CPS1: variants seen among roughly 807,000 people sequenced by gnomAD.
The protein encoded by CPS1 is carbamoyl-phosphate synthase 1, also known as carbamoyl-phosphate synthase [ammonia], mitochondrial.
CPS1 carries 109 observed loss-of-function variants against 174.6 expected under a neutral mutation model. The ratio of observed to expected loss-of-function variants is 0.62; its 90% CI spans 0.53 to 0.73. The LOEUF is 0.73. CPS1 is among the 30% of genes least tolerant of loss of function. CPS1 has a pLI of 0.00. For missense variants in CPS1, 1,689 were observed against 1,821.9 expected (o/e 0.93, Z 1.33); for synonymous variants, 637 against 632.0 (o/e 1.01, Z -0.12).
Position 210,591,696 on chromosome 2 carries a change from CAG to C in CPS1, c.948-132_948-131del, listed in dbSNP as rs528338704. The C allele has an allele frequency of 2.2e-5, 20 of 899,250 alleles. No individual in the cohort carries two copies. In the South Asian group the frequency reaches 3.0e-4, roughly 14 times the overall value. The allele number at this position is 899,250 out of a possible 1,614,324, so 55.7% of individuals were successfully genotyped here. On this transcript the variant is annotated intron_variant, in intron 9 of 37. Coordinates refer to ENST00000233072, the MANE Select transcript of CPS1 (RefSeq NM_001875.5). ...GATTAACAATCTGTGACTTTTCTCA[CAG>C]AGTGATTTTCACTAAGCAATTGAAA...
chr2:210,674,777 T>C, intron 34 of CPS1, 125 bp from the exon 35 acceptor site: 1 of 820,290 alleles, frequency 1.2e-6, no homozygotes, highest in South Asian at 1.4e-5. Context: ...AAACTTGTCA[T>C]TTTTTAATAT....
intron 1 of CPS1, among the ~76,000 whole-genome samples, chr2:210,541,914 A>G (rs1255013755): frequency 6.6e-6 from 1 of 152,050 alleles, no homozygotes; most frequent in Non-Finnish European, 1.5e-5. Context: ...TCCCATTCCT[A>G]TGCCACCCGT....
intron 1 of CPS1, among the ~76,000 whole-genome samples, chr2:210,560,133 C>G (rs1174419074): frequency 1.3e-5 from 2 of 151,866 alleles, no homozygotes; most frequent in Non-Finnish European, 1.5e-5. Flanking sequence ...AAATCAGACT[C>G]AAGGAAAATG....
intron 21 of CPS1, among the ~76,000 whole-genome samples, chr2:210,635,087 G>A (rs1574622765): frequency 6.6e-6 from 1 of 152,192 alleles, no homozygotes; most frequent in East Asian, 1.9e-4. Context: ...GGGATTACAG[G>A]CACCTGCCAC....
chr2:210,633,080 A>G (rs1699919645), intron 21 of CPS1, among the ~76,000 whole-genome samples: 1 of 152,206 alleles, frequency 6.6e-6, no homozygotes, highest in Non-Finnish European at 1.5e-5. Context: ...CTCACCTAGT[A>G]TGATTTAAAG....
At chr2:210,591,685 G>A (rs1406855465) in intron 9 of CPS1, 146 bp from the exon 10 acceptor site, 4 of 827,854 alleles carry the variant, frequency 4.8e-6, no homozygotes, top group Non-Finnish European at 7.5e-6. Context: ...AACAATCTGT[G>A]ACTTTTCTCA....
At chr2:210,556,900 G>A in intron 1 of CPS1, 41 bp downstream of exon 1, 4 of 1,605,712 alleles carry the variant, frequency 2.5e-6, no homozygotes, top group Non-Finnish European at 3.4e-6. Flanking sequence ...ATACTATGGG[G>A]TATAGTTTAG....
intron 21 of CPS1, among the ~76,000 whole-genome samples, chr2:210,636,232 G>C (rs1700038807): frequency 6.6e-6 from 1 of 151,980 alleles, no homozygotes; most frequent in South Asian, 2.1e-4. Flanking sequence ...TTATTCTTCT[G>C]TCCCTTAGCT....
chr2:210,616,338 G>A, intron 20 of CPS1, 85 bp from the exon 21 acceptor site: 1 of 886,760 alleles, frequency 1.1e-6, no homozygotes, highest in South Asian at 1.3e-5. Context: ...ATAACACACA[G>A]AGGCATGACT....
chr2:210,493,775 A>G (rs368327493), intron 1 of CPS1, among the ~76,000 whole-genome samples: 8 of 152,330 alleles, frequency 5.3e-5, no homozygotes, highest in South Asian at 2.1e-4. Flanking sequence ...CTTTCCTGGC[A>G]GTAACGTTTC....
intron 1 of CPS1, among the ~76,000 whole-genome samples, chr2:210,529,455 CA>C (rs1436408277): frequency 1.3e-5 from 2 of 151,840 alleles, no homozygotes; most frequent in Non-Finnish European, 2.9e-5. Context: ...TAGGTTTATG[CA>C]ATTTGGGAAA....
intron 1 of CPS1, among the ~76,000 whole-genome samples, chr2:210,523,181 G>GT (rs986046666): frequency 9.2e-5 from 14 of 152,016 alleles, no homozygotes; most frequent in African/African-American, 3.1e-4. Context: ...AGTTCTTTAT[G>GT]TTTTTTCTGG....
intron 35 of CPS1, among the ~76,000 whole-genome samples, chr2:210,675,334 G>A (rs540783585): frequency 6.6e-6 from 1 of 152,254 alleles, no homozygotes; most frequent in Non-Finnish European, 1.5e-5. Flanking sequence ...CACAAAGCCT[G>A]GTTGAGTAAA....
At chr2:210,595,605 A>G (rs372722187) in intron 13 of CPS1, 23 bp downstream of exon 13, 4 of 1,461,066 alleles carry the variant, frequency 2.7e-6, no homozygotes, top group Non-Finnish European at 3.8e-6. Context: ...GATCCTTACT[A>G]GAATTAATAT....
rs1574573322 is a variant in CPS1 at position 210,599,497 on chromosome 2, C to T, written c.1485C>T (p.Val495=). 6.2e-7 allele frequency: 1 copy of T among 1,612,584 alleles called. No homozygotes were observed. Among genetic ancestry groups the T allele is most frequent in the Non-Finnish European group, 8.5e-7 (1 of 1,179,082 alleles). Reference sequence around the variant, plus strand: ...TCACCCCTCAGTTTGTCACAGAGGTCATCAAGGCAGAACAGCCAGATGGGT... The same window carrying T: ...TCACCCCTCAGTTTGTCACAGAGGTTATCAAGGCAGAACAGCCAGATGGGT... ...LPITPQFVTE[V]IKAEQPDGLI... Residue 495 remains valine, a synonymous_variant, in exon 14 of 38, where the codon GTC becomes GTT. Coordinates refer to ENST00000233072, the MANE Select transcript of CPS1 (RefSeq NM_001875.5).
At chr2:210,639,428 A>C (rs1032333067) in intron 23 of CPS1, among the ~76,000 whole-genome samples, 1 of 151,410 alleles carries the variant, frequency 6.6e-6, no homozygotes, top group South Asian at 2.1e-4. Context: ...CTGGCTAACA[A>C]GGTGAAACCC....
At chr2:210,590,287 C>T (rs1370248709) in intron 8 of CPS1, 53 bp downstream of exon 8, 1 of 1,610,294 alleles carries the variant, frequency 6.2e-7, no homozygotes, top group Non-Finnish European at 8.5e-7. Context: ...GGGGCTTCCG[C>T]TCTATACCCT....
At chr2:210,580,017 G>A (rs1697863829) in intron 5 of CPS1, among the ~76,000 whole-genome samples, 1 of 152,240 alleles carries the variant, frequency 6.6e-6, no homozygotes, top group Admixed American at 6.5e-5. Context: ...AGCTTATTGA[G>A]TGCCCACTAT....
At chr2:210,541,020 GA>G (rs1696406175) in intron 1 of CPS1, among the ~76,000 whole-genome samples, 1 of 152,094 alleles carries the variant, frequency 6.6e-6, no homozygotes, top group African/African-American at 2.4e-5. Flanking sequence ...AGTTACACAA[GA>G]AAAGCAGAAC....
Sources: gnomAD v4.1 joint callset for allele counts (sites outside exome capture counted in the v4.1 genomes callset) on GRCh38, gnomAD v4.1.1 for gene constraint, MANE v1.5 for transcripts, NCBI Gene and HGNC (gene_info 2026-07-23, HGNC 2026-07-21) for gene names.